ADNP2: variants seen among roughly 807,000 people sequenced by gnomAD.
The protein encoded by ADNP2 is ADNP homeobox 2.
A neutral mutation model predicts 16.4 loss-of-function variants in ADNP2; 8 were observed. That is an observed-to-expected ratio of 0.49 (90% CI 0.29 to 0.88). The LOEUF is 0.88. ADNP2 is among the 40% of genes least tolerant of loss of function. ADNP2 has a pLI of 0.09. For missense variants in ADNP2, 1,397 were observed against 1,395.1 expected (o/e 1.00, Z -0.02); for synonymous variants, 637 against 545.8 (o/e 1.17, Z -2.33).
Position 80,134,273 on chromosome 18 carries a change from C to T in ADNP2, c.198+1081C>T, listed in dbSNP as rs144845771. 2.2e-3 allele frequency among the ~76,000 whole-genome samples: 335 copies of T among 152,110 alleles called. 3 individuals carry two copies. Among genetic ancestry groups the T allele is most frequent in the African/African-American group, 7.6e-3 (316 of 41,494 alleles). ...ACTCAGGAGGCTGAGGCAGGAGAAT[C>T]GCTTGAACCGGGATGGCGTAGGTTG... On this transcript the variant is annotated intron_variant, in intron 3 of 3. Coordinates refer to ENST00000262198, the MANE Select transcript of ADNP2 (RefSeq NM_014913.4).
rs2052543761 is a variant in ADNP2 at position 80,137,058 on chromosome 18, G to A, written c.1645G>A (p.Val549Ile). 6.2e-7 allele frequency: 1 copy of A among 1,614,062 alleles called. No individual in the cohort carries two copies. The highest frequency in any genetic ancestry group is 8.5e-7 in the Non-Finnish European group (1 of 1,180,036). Residue 549 changes from valine (V) to isoleucine (I), a missense_variant, in exon 4 of 4, where the codon GTT becomes ATT. Around this residue, in one of 3 missense-constraint regions of ADNP2, gnomAD observed 777 missense variants for 719.4 expected, o/e 1.08. Coordinates refer to ENST00000262198, the MANE Select transcript of ADNP2 (RefSeq NM_014913.4). The surrounding 1 kb of genome is among the most constrained non-coding windows in gnomAD (Gnocchi z 4.2). ...TGGTGTTCTGCAGCTTAGTCAGCCT[G>A]TTGTGTCGGGAGTTCTTCCTGTGGG... ...NSGVLQLSQP[V>I]VSGVLPVGQP...
chr18:80,130,753 C>T (rs2052490908), intron 2 of ADNP2, among the ~76,000 whole-genome samples: 1 of 151,134 alleles, frequency 6.6e-6, no homozygotes, highest in South Asian at 2.1e-4. Flanking sequence ...CCCCCGCCCA[C>T]GTCAGGTCAG....
At chr18:80,114,354 TATTATTA>T (rs2052376171) in intron 1 of ADNP2, among the ~76,000 whole-genome samples, 1 of 152,208 alleles carries the variant, frequency 6.6e-6, no homozygotes, top group Non-Finnish European at 1.5e-5. Context: ...GGCATTTCTT[TATTATTA>T]AAGTTGAATA....
intron 1 of ADNP2, among the ~76,000 whole-genome samples, chr18:80,116,520 C>T (rs1046478602): frequency 8.6e-5 from 13 of 151,562 alleles, no homozygotes; most frequent in Non-Finnish European, 1.9e-4. Flanking sequence ...GTTCCAATTT[C>T]TCCACGTCCT....
At chr18:80,129,086 T>C (rs1271545243) in intron 2 of ADNP2, among the ~76,000 whole-genome samples, 2 of 151,062 alleles carry the variant, frequency 1.3e-5, no homozygotes, top group Non-Finnish European at 2.9e-5. Context: ...TCTTCAGTTT[T>C]ACCCAGAACT....
At chr18:80,121,603 T>C (rs2052425326) in intron 2 of ADNP2, among the ~76,000 whole-genome samples, 1 of 152,216 alleles carries the variant, frequency 6.6e-6, no homozygotes, top group African/African-American at 2.4e-5. Context: ...TAAGAATCCA[T>C]TGCCAAGTCC....
chr18:80,136,357 C>A lies in ADNP2; in HGVS notation c.944C>A (p.Ala315Asp). The A allele has an allele frequency of 6.2e-7, 1 of 1,614,232 alleles. No individual in the cohort carries two copies. The highest frequency in any genetic ancestry group is 1.6e-4 in the Middle Eastern group (1 of 6,062). ...AGQPVTVAQG[A>D]PGSLTHSPPA... Reference sequence around the variant, plus strand: ...CAGCCAGTGACTGTGGCCCAGGGTGCCCCTGGAAGCCTCACTCATTCCCCC... The same window carrying A: ...CAGCCAGTGACTGTGGCCCAGGGTGACCCTGGAAGCCTCACTCATTCCCCC... The change falls in exon 4 of 4, where the codon GCC becomes GAC. Residue 315 changes from alanine to aspartate, a missense_variant. By Grantham distance (126) the Ala-to-Asp change is moderately radical. This residue lies in a region of ADNP2 where 777 missense variants were observed against 719.4 expected (regional missense o/e 1.08). Coordinates refer to ENST00000262198, the MANE Select transcript of ADNP2 (RefSeq NM_014913.4).
intron 1 of ADNP2, among the ~76,000 whole-genome samples, chr18:80,117,111 A>G (rs746032775): frequency 2.6e-5 from 4 of 152,110 alleles, no homozygotes; most frequent in African/African-American, 4.8e-5. Context: ...GTTTGCAAAT[A>G]TTTTCTCCCG....
At chr18:80,110,955 A>C (rs2052353424) in intron 1 of ADNP2, among the ~76,000 whole-genome samples, 1 of 152,178 alleles carries the variant, frequency 6.6e-6, no homozygotes, top group South Asian at 2.1e-4. Context: ...TTTTAGCTGA[A>C]GAGATTCTGG....
rs1339695949 is a variant in ADNP2, at chr18:80,140,084, AC to A, written c.*1279del. The A allele has an allele frequency of 1.3e-5, 2 of 152,060 alleles. No homozygotes were observed. The highest frequency in any genetic ancestry group is 4.8e-5 in the African/African-American group (2 of 41,384). The allele number at this position is 152,060 out of a possible 1,614,324, so 9.4% of individuals were successfully genotyped here. On this transcript the variant is annotated 3_prime_UTR_variant, in exon 4 of 4. Transcript: ENST00000262198. ...ATTTCTGGTGGTACACAGCAGAGGAACCCCTTCACTCTATCTTTAGGTAGAA... is the reference window on the plus strand; with the variant it reads ...ATTTCTGGTGGTACACAGCAGAGGAACCCTTCACTCTATCTTTAGGTAGAA...
intron 2 of ADNP2, among the ~76,000 whole-genome samples, chr18:80,131,629 G>T (rs1016306201): frequency 1.1e-4 from 17 of 149,532 alleles, no homozygotes; most frequent in African/African-American, 3.7e-4. Flanking sequence ...CAACGTGCAG[G>T]TTTGTTGCAT....
chr18:80,109,527 C>G (rs1346291146), intron 1 of ADNP2, 55 bp downstream of exon 1: 2 of 147,778 alleles, frequency 1.4e-5, no homozygotes, highest in Non-Finnish European at 3.0e-5. Flanking sequence ...CTGCCCCGGT[C>G]CTGGCCCCCG....
intron 1 of ADNP2, 48 bp downstream of exon 1, chr18:80,109,520 C>A (rs972001845): frequency 1.4e-5 from 2 of 147,618 alleles, no homozygotes; most frequent in African/African-American, 4.9e-5. Context: ...ACGCCCCCTG[C>A]CCCGGTCCTG....
At chr18:80,132,182 T>G (rs1339129024) in intron 2 of ADNP2, among the ~76,000 whole-genome samples, 1 of 152,200 alleles carries the variant, frequency 6.6e-6, no homozygotes, top group Non-Finnish European at 1.5e-5. Context: ...TTTCAACCTT[T>G]TCCTCAGATT....
chr18:80,110,106 G>A (rs1434524816), intron 1 of ADNP2: 1 of 152,058 alleles, frequency 6.6e-6, no homozygotes, highest in East Asian at 1.9e-4. Context: ...ACGGGGCCCT[G>A]TTTCTTCATC....
In ADNP2 at chr18:80,133,192, G is replaced by A. The variant is rs912805082; in HGVS notation, c.198G>A (p.Val66=). The change falls in exon 3 of 4, where the codon GTG becomes GTA. Residue 66 remains valine, a splice_region_variant and synonymous_variant. Transcript: ENST00000262198. ...VSLWEPSGKK[V]RYRTKPYCCG... is the part of the protein sequence containing the mutation. Reference sequence around the variant, plus strand: ...TCTGGGAACCTTCTGGAAAGAAAGTGGTATGTATTTTTTGCATTTGTTTTT... The same window carrying A: ...TCTGGGAACCTTCTGGAAAGAAAGTAGTATGTATTTTTTGCATTTGTTTTT... 2 of 1,610,288 alleles carry A rather than the reference G, an allele frequency of 1.2e-6. No homozygotes were observed. The highest frequency in any genetic ancestry group is 3.3e-5 in the Admixed American group (2 of 60,000).
intron 2 of ADNP2, among the ~76,000 whole-genome samples, chr18:80,129,227 C>A (rs908012118): frequency 6.6e-6 from 1 of 151,710 alleles, no homozygotes; most frequent in Non-Finnish European, 1.5e-5. Flanking sequence ...CCTCAGCCTC[C>A]CATGTAGCTG....
In ADNP2 at chr18:80,137,374, G is replaced by C. The variant is rs763851842; in HGVS notation, c.1961G>C (p.Gly654Ala). Residue 654 changes from glycine to alanine, a missense_variant, in exon 4 of 4, where the codon GGT becomes GCT. By Grantham distance (60) the Gly-to-Ala change is moderately conservative (BLOSUM62 0). Transcript: ENST00000262198. The surrounding 1 kb of genome is among the most constrained non-coding windows in gnomAD (Gnocchi z 4.2). ...LPSGAAAPMAGSMPGMPSPPV... is the reference protein window; with the variant it reads ...LPSGAAAPMAASMPGMPSPPV... ...TCAGGTGCAGCTGCACCAATGGCCG[G>C]TTCCATGCCCGGCATGCCCTCTCCT... 6 of 1,614,046 alleles carry C rather than the reference G, an allele frequency of 3.7e-6. No homozygotes were observed. Among genetic ancestry groups the C allele is most frequent in the Non-Finnish European group, 3.4e-6 (4 of 1,180,046 alleles).
At chr18:80,129,708 A>G (rs1411878283) in intron 2 of ADNP2, among the ~76,000 whole-genome samples, 3 of 152,186 alleles carry the variant, frequency 2.0e-5, no homozygotes, top group African/African-American at 7.2e-5. Flanking sequence ...CAGGGACCCC[A>G]GTCATATTTT....
Sources: gnomAD v4.1 joint callset for allele counts (sites outside exome capture counted in the v4.1 genomes callset) on GRCh38, gnomAD v4.1.1 for gene constraint, gnomAD v4.1.1 regional missense constraint, Gnocchi (gnomAD v3.1) non-coding constraint, MANE v1.5 for transcripts, NCBI Gene and HGNC (gene_info 2026-07-23, HGNC 2026-07-21) for gene names.